Variants in BIRC6 observed in about 807,000 individuals in gnomAD.
BIRC6 encodes the protein dual E2 ubiquitin-conjugating enzyme/E3 ubiquitin-protein ligase BIRC6.
In BIRC6, 98 loss-of-function variants were observed where a neutral mutation model predicts 503.3. The ratio of observed to expected loss-of-function variants is 0.19; its 90% CI spans 0.17 to 0.23. BIRC6 has a LOEUF of 0.23. Ranked by LOEUF, BIRC6 falls within the 10% of genes least tolerant of loss-of-function variation. The probability of loss-of-function intolerance (pLI) is 1.00; values close to 1 mark genes in which losing one functional copy is unlikely to be tolerated. For synonymous variants in BIRC6, 2,240 were observed against 2,078.7 expected (o/e 1.08, Z -2.11); for missense variants, 5,360 against 5,806.0 (o/e 0.92, Z 2.50).
At chr2:32,525,064 A>G (rs754792909) in intron 58 of BIRC6, 45 bp downstream of exon 58, 4 of 1,406,490 alleles carry the variant, frequency 2.8e-6, no homozygotes, top group South Asian at 1.8e-5. Context: ...TTGGGTTTCT[A>G]TAAAATATTA....
chr2:32,501,041 CATACTG>C (rs2053129359), intron 46 of BIRC6, among the ~76,000 whole-genome samples: 2 of 152,108 alleles, frequency 1.3e-5, no homozygotes, highest in Admixed American at 6.5e-5. Flanking sequence ...AAATTTTACT[CATACTG>C]TAACATTTTC....
intron 49 of BIRC6, among the ~76,000 whole-genome samples, chr2:32,504,393 C>G (rs867469018): frequency 2.6e-5 from 4 of 151,840 alleles, no homozygotes; most frequent in African/African-American, 9.7e-5. Context: ...TGAGGCTGGG[C>G]GCGGTGGCTC....
intron 1 of BIRC6, among the ~76,000 whole-genome samples, chr2:32,369,621 T>G (rs969220054): frequency 1.3e-5 from 2 of 151,568 alleles, no homozygotes; most frequent in Admixed American, 6.6e-5. Flanking sequence ...AGAGACAGGG[T>G]TTCACCTTAT....
chr2:32,405,761 A>T (rs1038217765), intron 8 of BIRC6, among the ~76,000 whole-genome samples: 1 of 152,218 alleles, frequency 6.6e-6, no homozygotes, highest in East Asian at 1.9e-4. Flanking sequence ...TGCTTATACA[A>T]CTATTATGTT....
chr2:32,549,420 C>T lies in BIRC6; in HGVS notation c.13083C>T (p.Leu4361=), dbSNP rs561604759. 4.0e-6 allele frequency: 6 copies of T among 1,507,390 alleles called. No homozygotes were observed. In the South Asian group the frequency reaches 5.4e-5, roughly 13 times the overall value. 93.4% of individuals were successfully genotyped at this position (1,507,390 alleles called of 1,614,324 possible). ...GTAATGCCCTTCCTTCTGTACTTCT[C>T]GAGCTTCTCAGTCAGTCCTGCCTCA... is the stretch of plus-strand genomic sequence containing the variant. ...QNSNALPSVL[L]ELLSQSCLIP... is the part of the protein sequence containing the mutation. The change falls in exon 65 of 74, where the codon CTC becomes CTT. Residue 4361 remains leucine, a synonymous_variant. Transcript: ENST00000421745.
intron 22 of BIRC6, among the ~76,000 whole-genome samples, chr2:32,449,398 A>C (rs2046431156): frequency 1.3e-5 from 2 of 152,208 alleles, no homozygotes; most frequent in South Asian, 4.1e-4. Context: ...CTTTGTATAC[A>C]TTACGTATAT....
rs2063343493 is a variant in BIRC6 at position 32,617,894 on chromosome 2, TC to T, written c.14566del (p.Gln4856SerfsTer6). On this transcript the variant is annotated frameshift_variant, in exon 74 of 74. Coordinates refer to ENST00000421745, the MANE Select transcript of BIRC6 (RefSeq NM_016252.4). LOFTEE classifies it high-confidence loss of function. ...PSSSKELPSD[F>X]QL Reference sequence around the variant, plus strand: ...AGCAGCAAAGAACTCCCCAGTGACTTCCAGTTATGAGCTGCATTGATGTGGA... The same window carrying T: ...AGCAGCAAAGAACTCCCCAGTGACTTCAGTTATGAGCTGCATTGATGTGGA... 6.2e-7 allele frequency: 1 copy of T among 1,612,752 alleles called. No individual in the cohort carries two copies. Among genetic ancestry groups the T allele is most frequent in the Non-Finnish European group, 8.5e-7 (1 of 1,179,180 alleles).
At chr2:32,568,211 T>C (rs1399345215) in intron 65 of BIRC6, among the ~76,000 whole-genome samples, 1 of 149,694 alleles carries the variant, frequency 6.7e-6, no homozygotes, top group Non-Finnish European at 1.5e-5. Flanking sequence ...TTCAGGATAA[T>C]CTATTTGAAA....
intron 19 of BIRC6, 103 bp downstream of exon 19, chr2:32,442,558 A>T (rs1030862412): frequency 7.9e-7 from 1 of 1,264,952 alleles, no homozygotes; most frequent in Admixed American, 3.4e-5. Context: ...TAATGTATGT[A>T]TAATTTAAGA....
intron 9 of BIRC6, 23 bp downstream of exon 9, chr2:32,406,580 T>A: frequency 6.4e-7 from 1 of 1,556,276 alleles, no homozygotes; most frequent in Non-Finnish European, 8.8e-7. Context: ...TATTAGATAA[T>A]GTATTTAAAA....
At chr2:32,505,353 A>G in intron 50 of BIRC6, 148 bp downstream of exon 50, 2 of 640,642 alleles carry the variant, frequency 3.1e-6, no homozygotes, top group East Asian at 2.8e-5. Flanking sequence ...AATAATTAAT[A>G]CTACCAAGTC....
In BIRC6 at chr2:32,469,549, A is replaced by G. The variant is rs757179158; in HGVS notation, c.6282A>G (p.Gln2094=). ...GTGGTGGTGAAAGGTGGTGGGGTCA[A>G]TTTCTTTCTAATGTCCTTCAGGAAT... ...QLCGGERWWG[Q]FLSNVLQELY... is the part of the protein sequence containing the mutation. The change falls in exon 30 of 74, where the codon CAA becomes CAG. Residue 2094 remains glutamine (Q), a synonymous_variant. Transcript: ENST00000421745. The G allele has an allele frequency of 1.1e-5, 17 of 1,613,720 alleles. No individual in the cohort carries two copies. The Admixed American group carries it at 1.5e-4, about 14-fold the overall frequency.
intron 55 of BIRC6, among the ~76,000 whole-genome samples, 159 bp downstream of exon 55, chr2:32,515,929 A>G (rs1391120023): frequency 1.3e-5 from 2 of 152,196 alleles, no homozygotes; most frequent in Non-Finnish European, 1.5e-5. Flanking sequence ...CCCTCAAAAT[A>G]TGCTGTCACT....
intron 9 of BIRC6, among the ~76,000 whole-genome samples, chr2:32,407,572 C>T (rs2041380688): frequency 6.6e-6 from 1 of 151,432 alleles, no homozygotes; most frequent in Non-Finnish European, 1.5e-5. Context: ...ATGTTAGATG[C>T]TGTGTACTAT....
intron 3 of BIRC6, among the ~76,000 whole-genome samples, chr2:32,386,613 A>AT (rs1189015352): frequency 1.3e-5 from 2 of 151,824 alleles, no homozygotes; most frequent in Non-Finnish European, 2.9e-5. Flanking sequence ...CCTGGCTGTT[A>AT]TTTTTTAGTA....
At chr2:32,489,115 T>C (rs891897314) in intron 42 of BIRC6, among the ~76,000 whole-genome samples, 1 of 152,048 alleles carries the variant, frequency 6.6e-6, no homozygotes, top group African/African-American at 2.4e-5. Context: ...CCTGTGGAAG[T>C]TGTGTGTGTT....
chr2:32,402,950 A>G (rs1285154010), intron 8 of BIRC6, among the ~76,000 whole-genome samples: 1 of 152,310 alleles, frequency 6.6e-6, no homozygotes, highest in East Asian at 1.9e-4. Flanking sequence ...TTAGATAAAC[A>G]TGTATTCTGT....
In BIRC6 at chr2:32,448,596, C is replaced by T. The variant is rs1317559893; in HGVS notation, c.4485-199C>T. ...GGGAGGTTGCAGTGAGCCGAGATCG[C>T]AGCAGTACAGTCCAGCTTCGGCTCG... On this transcript the variant is annotated intron_variant, in intron 21 of 73. Coordinates refer to ENST00000421745, the MANE Select transcript of BIRC6 (RefSeq NM_016252.4). Among the ~76,000 whole-genome samples the T allele has an allele frequency of 5.3e-5, 8 of 151,716 alleles. No individual in the cohort carries two copies. In the South Asian group the frequency reaches 8.3e-4, roughly 16 times the overall value.
intron 1 of BIRC6, among the ~76,000 whole-genome samples, chr2:32,369,802 A>G (rs993040720): frequency 2.0e-5 from 3 of 150,116 alleles, no homozygotes; most frequent in African/African-American, 7.4e-5. Flanking sequence ...ATTTTACTTA[A>G]CTATAGCCAG....
Sources: gnomAD v4.1 joint callset for allele counts (sites outside exome capture counted in the v4.1 genomes callset) on GRCh38, gnomAD v4.1.1 for gene constraint, MANE v1.5 for transcripts, NCBI Gene and HGNC (gene_info 2026-07-23, HGNC 2026-07-21) for gene names.